Variants in SNX29 observed in about 807,000 individuals in gnomAD.
SNX29 encodes sorting nexin 29.
In SNX29, 78 loss-of-function variants were observed where a neutral mutation model predicts 102.1. The observed-to-expected ratio is 0.76, with a 90% CI of 0.64 to 0.92. The LOEUF (loss-of-function observed/expected upper bound fraction) is 0.92. SNX29 is among the 40% of genes least tolerant of loss of function. The probability of loss-of-function intolerance (pLI) is 0.00; values close to 1 mark genes in which losing one functional copy is unlikely to be tolerated. For missense variants in SNX29, 1,280 were observed against 1,061.7 expected (o/e 1.21, Z -2.86); for synonymous variants, 580 against 414.5 (o/e 1.40, Z -4.85).
At chr16:12,176,552 C>A (rs930871308) in intron 13 of SNX29, among the ~76,000 whole-genome samples, 1 of 152,072 alleles carries the variant, frequency 6.6e-6, no homozygotes, top group Non-Finnish European at 1.5e-5. Flanking sequence ...AAATAGTATA[C>A]CAATTATTTA....
chr16:12,152,916 C>T (rs1384477615), intron 13 of SNX29, among the ~76,000 whole-genome samples: 2 of 152,180 alleles, frequency 1.3e-5, no homozygotes, highest in East Asian at 3.9e-4. Flanking sequence ...TTGCTCAGGA[C>T]CCCGCACACA....
intron 19 of SNX29, among the ~76,000 whole-genome samples, chr16:12,489,595 G>A (rs1485430160): frequency 6.6e-6 from 1 of 152,228 alleles, no homozygotes; most frequent in Non-Finnish European, 1.5e-5. Flanking sequence ...GAGTGAACAA[G>A]CTTATGCCAG....
intron 18 of SNX29, among the ~76,000 whole-genome samples, chr16:12,404,178 A>T (rs930568069): frequency 6.6e-6 from 1 of 152,168 alleles, no homozygotes; most frequent in East Asian, 1.9e-4. Flanking sequence ...TCTTTCCAAA[A>T]GAAGGGGCAA....
In SNX29 at chr16:12,403,501, A is replaced by G. The variant is rs761903897; in HGVS notation, c.2009A>G (p.Lys670Arg). The G allele has an allele frequency of 6.8e-6, 11 of 1,608,406 alleles. No individual in the cohort carries two copies. Among genetic ancestry groups the G allele is most frequent in the Non-Finnish European group, 9.3e-6 (11 of 1,177,534 alleles). Residue 670 changes from lysine (K) to arginine (R), a missense_variant, in exon 18 of 21, where the codon AAA becomes AGA. Coordinates refer to ENST00000566228, the MANE Select transcript of SNX29 (RefSeq NM_032167.5). ...VWIPSVFLRG[K>R]AANAFHVYQV... ...ATCCCCTCAGTGTTTCTCCGGGGCA[A>G]AGCAGCAAATGCATTCCACGTGTAT... is the stretch of plus-strand genomic sequence containing the variant.
chr16:12,523,813 C>A (rs549710097), intron 19 of SNX29, among the ~76,000 whole-genome samples: 24 of 152,312 alleles, frequency 1.6e-4, no homozygotes, highest in Non-Finnish European at 2.2e-4. Flanking sequence ...CTGTGCCTGC[C>A]TTCTGGGGCC....
chr16:12,181,396 G>T (rs757365074), intron 13 of SNX29, among the ~76,000 whole-genome samples: 1 of 152,172 alleles, frequency 6.6e-6, no homozygotes, highest in Non-Finnish European at 1.5e-5. Context: ...ACTCGAAGCA[G>T]GGCTTCCAGG....
chr16:12,212,228 C>G (rs577920055), intron 14 of SNX29, among the ~76,000 whole-genome samples: 1 of 152,146 alleles, frequency 6.6e-6, no homozygotes, highest in Non-Finnish European at 1.5e-5. Flanking sequence ...CCTTTCCCCC[C>G]GGAGACTGAA....
At chr16:12,419,090 A>G (rs891175703) in intron 18 of SNX29, among the ~76,000 whole-genome samples, 2 of 152,128 alleles carry the variant, frequency 1.3e-5, no homozygotes, top group Non-Finnish European at 2.9e-5. Flanking sequence ...CAAAATGTCT[A>G]CAGCGCCACC....
chr16:12,197,900 AAG>A (rs2076818104), intron 13 of SNX29, among the ~76,000 whole-genome samples: 2 of 152,072 alleles, frequency 1.3e-5, no homozygotes, highest in South Asian at 4.2e-4. Context: ...GCAAAATACA[AAG>A]AAAGTGCTGT....
chr16:12,495,523 T>G (rs1016886640), intron 19 of SNX29, among the ~76,000 whole-genome samples: 9 of 152,244 alleles, frequency 5.9e-5, no homozygotes, highest in African/African-American at 2.2e-4. Flanking sequence ...ATTACATGCT[T>G]TCTTTCTTTG....
chr16:12,422,346 A>G (rs1252934154), intron 18 of SNX29, among the ~76,000 whole-genome samples: 1 of 152,184 alleles, frequency 6.6e-6, no homozygotes, highest in Non-Finnish European at 1.5e-5. Flanking sequence ...GTAAATAGCC[A>G]TGCTTCCTGT....
At chr16:12,388,352 C>G (rs1212966065) in intron 16 of SNX29, among the ~76,000 whole-genome samples, 1 of 152,210 alleles carries the variant, frequency 6.6e-6, no homozygotes, top group Admixed American at 6.5e-5. Flanking sequence ...AAATAAATGT[C>G]TCAGTCCTTA....
At chr16:12,416,650 G>A (rs1236820179) in intron 18 of SNX29, among the ~76,000 whole-genome samples, 2 of 152,170 alleles carry the variant, frequency 1.3e-5, no homozygotes, top group African/African-American at 2.4e-5. Flanking sequence ...GTCAGCATCT[G>A]CTCGGCTTCT....
At chr16:12,241,240 G>A (rs1221302976) in intron 14 of SNX29, among the ~76,000 whole-genome samples, 1 of 152,134 alleles carries the variant, frequency 6.6e-6, no homozygotes, top group African/African-American at 2.4e-5. Flanking sequence ...TCTGGCATTG[G>A]CCTGGTAGTC....
chr16:12,320,750 T>G (rs1050892128), intron 15 of SNX29, among the ~76,000 whole-genome samples: 3 of 152,172 alleles, frequency 2.0e-5, no homozygotes, highest in African/African-American at 7.2e-5. Context: ...CACCATGCAT[T>G]GTGACAAAAT....
At chr16:12,032,750 G>A (rs1039507991) in intron 4 of SNX29, among the ~76,000 whole-genome samples, 7 of 151,972 alleles carry the variant, frequency 4.6e-5, no homozygotes, top group African/African-American at 1.7e-4. Flanking sequence ...AACCATCAGA[G>A]GGTTTTCCAT....
chr16:12,452,466 CCACCGCTGAGTA>C (rs1363770847), intron 18 of SNX29, among the ~76,000 whole-genome samples: 1 of 72,648 alleles, frequency 1.4e-5, no homozygotes, highest in Non-Finnish European at 2.6e-5. Context: ...AGGCAGATGC[CCACCGCTGAGTA>C]CACCGCTCCG....
At chr16:11,994,133 C>T (rs2055965867) in intron 1 of SNX29, among the ~76,000 whole-genome samples, 2 of 152,110 alleles carry the variant, frequency 1.3e-5, no homozygotes, top group African/African-American at 2.4e-5. Context: ...AAACAAACAA[C>T]AACAACAAAA....
intron 20 of SNX29, chr16:12,557,380 G>GATGAATGGTTGAGGGCTTGCA: frequency 6.6e-6 from 1 of 151,836 alleles, no homozygotes; most frequent in Non-Finnish European, 1.5e-5. Flanking sequence ...GAGGGCTTGC[G>GATGAATGGTTGAGGGCTTGCA]AATAGAAACA....
Sources: gnomAD v4.1 joint callset for allele counts (sites outside exome capture counted in the v4.1 genomes callset) on GRCh38, gnomAD v4.1.1 for gene constraint, MANE v1.5 for transcripts, NCBI Gene and HGNC (gene_info 2026-07-23, HGNC 2026-07-21) for gene names.